Variants in KANK1 observed in about 807,000 individuals in gnomAD.
KANK1 encodes KN motif and ankyrin repeat domain-containing protein 1.
A neutral mutation model predicts 106.2 loss-of-function variants in KANK1; 109 were observed. That is an observed-to-expected ratio of 1.03 (90% CI 0.88 to 1.20). The LOEUF is 1.20. Among genes scored for constraint, KANK1 ranks in the 50% most tolerant of loss-of-function variants. KANK1 has a pLI of 0.00. For missense variants in KANK1, 2,399 were observed against 1,710.7 expected (o/e 1.40, Z -7.10); for synonymous variants, 873 against 652.2 (o/e 1.34, Z -5.16).
chr9:699,350 A>G (rs1822093060), intron 2 of KANK1, among the ~76,000 whole-genome samples: 1 of 152,184 alleles, frequency 6.6e-6, no homozygotes, highest in Admixed American at 6.5e-5. Flanking sequence ...CACTTAATAA[A>G]TATTTGCTGA....
chr9:724,681 A>T (rs569923499), intron 3 of KANK1, among the ~76,000 whole-genome samples: 1 of 152,256 alleles, frequency 6.6e-6, no homozygotes, highest in Admixed American at 6.5e-5. Context: ...GGGCACTTGT[A>T]ATCCCAGCTA....
chr9:501,966 T>C (rs1208541636), upstream of KANK1, among the ~76,000 whole-genome samples: 1 of 152,248 alleles, frequency 6.6e-6, no homozygotes, highest in Admixed American at 6.5e-5. Flanking sequence ...GATTGTTCTT[T>C]TGTGACAGTT....
intron 1 of KANK1, 112 bp from the exon 2 acceptor site, chr9:676,778 C>A (rs1038723013): frequency 3.6e-5 from 19 of 522,916 alleles, no homozygotes; most frequent in Middle Eastern, 3.8e-4. Context: ...TTTCTCCCCC[C>A]ATTCCGATTT....
At chr9:739,916 A>G (rs924986647) in intron 8 of KANK1, among the ~76,000 whole-genome samples, 1 of 152,176 alleles carries the variant, frequency 6.6e-6, no homozygotes, top group South Asian at 2.1e-4. Context: ...CTTCTCCTCC[A>G]CAGGGCCTTT....
intron 1 of KANK1, among the ~76,000 whole-genome samples, chr9:511,542 T>C (rs969230193): frequency 1.4e-4 from 21 of 150,564 alleles, no homozygotes; most frequent in Admixed American, 1.3e-3. Context: ...GAGGATTGAA[T>C]GAGTTAAAAC....
intron 1 of KANK1, among the ~76,000 whole-genome samples, chr9:572,671 T>C (rs974941410): frequency 6.6e-6 from 1 of 152,152 alleles, no homozygotes; most frequent in African/African-American, 2.4e-5. Context: ...GATTACAATA[T>C]GGACATAAGC....
At chr9:734,441 G>A (rs1408320784) in intron 6 of KANK1, 1 of 251,144 alleles carries the variant, frequency 4.0e-6, no homozygotes, top group Non-Finnish European at 8.0e-6. Context: ...CGAGGCAGGT[G>A]GATCACCTGA....
intron 1 of KANK1, among the ~76,000 whole-genome samples, chr9:627,634 C>T (rs988098924): frequency 3.9e-5 from 6 of 152,212 alleles, no homozygotes; most frequent in African/African-American, 1.4e-4. Flanking sequence ...GAGTCTTCTT[C>T]AGTCTGCTAT....
upstream of KANK1, among the ~76,000 whole-genome samples, chr9:499,957 G>A (rs1327014107): frequency 3.9e-5 from 6 of 152,208 alleles, no homozygotes; most frequent in Non-Finnish European, 8.8e-5. Flanking sequence ...ATAAGGATTA[G>A]TCTAACAAGT....
chr9:585,709 G>A (rs776922249), intron 1 of KANK1, among the ~76,000 whole-genome samples: 20 of 152,240 alleles, frequency 1.3e-4, no homozygotes, highest in African/African-American at 3.4e-4. Flanking sequence ...TTGCGAGGTC[G>A]GCATTGCTGG....
At chr9:508,777 A>G (rs1454316598) in intron 1 of KANK1, among the ~76,000 whole-genome samples, 1 of 152,132 alleles carries the variant, frequency 6.6e-6, no homozygotes, top group African/African-American at 2.4e-5. Flanking sequence ...ACTACAATTT[A>G]TCAATTTTTA....
chr9:572,766 G>GA (rs1480710170), intron 1 of KANK1, among the ~76,000 whole-genome samples: 1 of 152,034 alleles, frequency 6.6e-6, no homozygotes, highest in Non-Finnish European at 1.5e-5. Flanking sequence ...TTTTGCATCA[G>GA]AACATGTTTT....
At chr9:739,588 C>G (rs10815589) in intron 8 of KANK1, among the ~76,000 whole-genome samples, 1 of 152,152 alleles carries the variant, frequency 6.6e-6, no homozygotes, top group Non-Finnish European at 1.5e-5. Flanking sequence ...GCTGGTGATA[C>G]AGTCAGCCAG....
intron 1 of KANK1, among the ~76,000 whole-genome samples, chr9:524,504 C>CT (rs1318418747): frequency 1.3e-5 from 2 of 151,582 alleles, no homozygotes; most frequent in Non-Finnish European, 2.9e-5. Context: ...TAGTATGTCA[C>CT]TTATTGTGGG....
chr9:579,579 C>T (rs1017876936), intron 1 of KANK1, among the ~76,000 whole-genome samples: 3 of 152,044 alleles, frequency 2.0e-5, no homozygotes, highest in African/African-American at 7.3e-5. Flanking sequence ...ATTTTAAAAC[C>T]CTAGGGGAGA....
At chr9:599,057 C>T (rs1318892210) in intron 1 of KANK1, among the ~76,000 whole-genome samples, 3 of 126,858 alleles carry the variant, frequency 2.4e-5, no homozygotes, top group Non-Finnish European at 3.3e-5. Context: ...TCGCTTTTGT[C>T]ACCCAGGCTG....
upstream of KANK1, among the ~76,000 whole-genome samples, chr9:503,920 C>T (rs2058617039): frequency 6.6e-6 from 1 of 152,224 alleles, no homozygotes; most frequent in Non-Finnish European, 1.5e-5. Context: ...CCCCAGAGAC[C>T]TGCAACCTTC....
intron 1 of KANK1, among the ~76,000 whole-genome samples, chr9:673,276 T>C (rs1815631779): frequency 6.8e-6 from 1 of 147,362 alleles, no homozygotes; most frequent in Non-Finnish European, 1.5e-5. Flanking sequence ...AGTGGCGTGA[T>C]CTCGGCTCAC....
intron 2 of KANK1, chr9:706,796 A>G (rs1308752873): frequency 8.1e-6 from 8 of 985,464 alleles, no homozygotes; most frequent in Non-Finnish European, 9.6e-6. Context: ...CCCGCAGAGA[A>G]CAGTGGGGCT....
Sources: gnomAD v4.1 joint callset for allele counts (sites outside exome capture counted in the v4.1 genomes callset) on GRCh38, gnomAD v4.1.1 for gene constraint, MANE v1.5 for transcripts, NCBI Gene and HGNC (gene_info 2026-07-23, HGNC 2026-07-21) for gene names.